The following GGCT variants were observed in gnomAD, a reference collection of about 807,000 sequenced individuals.
GGCT encodes cytochrome c-releasing factor 21.
GGCT carries 20 observed loss-of-function variants against 22.1 expected under a neutral mutation model. That is an observed-to-expected ratio of 0.91 (90% CI 0.64 to 1.32). The LOEUF (loss-of-function observed/expected upper bound fraction) is 1.32. GGCT is among the 40% of genes most tolerant of loss of function. The probability of loss-of-function intolerance (pLI) is 0.00; values close to 1 mark genes in which losing one functional copy is unlikely to be tolerated. For missense variants in GGCT, 209 were observed against 223.5 expected (o/e 0.94, Z 0.41); for synonymous variants, 72 against 78.4 (o/e 0.92, Z 0.43).
At chr7:30,497,463 T>C in intron 3 of GGCT, 1 of 382,766 alleles carries the variant, frequency 2.6e-6, no homozygotes, top group East Asian at 3.9e-5. Flanking sequence ...GAATATCAAC[T>C]TTCTCAATAT....
intron 2 of GGCT, 119 bp downstream of exon 2, chr7:30,500,417 G>A: frequency 1.4e-6 from 1 of 709,282 alleles, no homozygotes; most frequent in Non-Finnish European, 2.3e-6. Context: ...GACTCTAAAA[G>A]TATAATGAAT....
intron 1 of GGCT, among the ~76,000 whole-genome samples, chr7:30,504,044 A>G (rs949007675): frequency 6.6e-6 from 1 of 152,140 alleles, no homozygotes; most frequent in Non-Finnish European, 1.5e-5. Context: ...AAGAGCAATG[A>G]TTTACCAACA....
At chr7:30,504,278 T>C (rs1789771875) in intron 1 of GGCT, among the ~76,000 whole-genome samples, 1 of 152,226 alleles carries the variant, frequency 6.6e-6, no homozygotes, top group Non-Finnish European at 1.5e-5. Flanking sequence ...ACCAACTGTA[T>C]GCAATCTGTT....
At chr7:30,499,082 GAT>G in intron 2 of GGCT, 144 bp from the exon 3 acceptor site, 1 of 791,422 alleles carries the variant, frequency 1.3e-6, no homozygotes, top group East Asian at 2.5e-5. Context: ...ATGTATTTGG[GAT>G]AGAGAATATA....
At position 30,497,148 on chromosome 7, in the gene GGCT, T is replaced by G; in HGVS notation, c.511A>C (p.Lys171Gln). Residue 171 changes from lysine to glutamine, a missense_variant, in exon 4 of 4, where the codon AAG becomes CAG. Transcript: ENST00000275428. ...ATGTCTTCAATTTCTTCTGAGACCT[T>G]TCCTGTATAGTCATTTGGTTCTATT... ...KAIEPNDYTG[K>Q]VSEEIEDIIK... 6.2e-7 allele frequency: 1 copy of G among 1,609,604 alleles called. No individual in the cohort carries two copies. The highest frequency in any genetic ancestry group is 8.5e-7 in the Non-Finnish European group (1 of 1,176,256).
intron 3 of GGCT, among the ~76,000 whole-genome samples, chr7:30,498,182 AAAAGAAAG>A (rs57261043): frequency 5.4e-5 from 8 of 148,708 alleles, no homozygotes; most frequent in Non-Finnish European, 7.4e-5. Context: ...ATTGCCAGGC[AAAAGAAAG>A]AAAGAAAGAG....
At chr7:30,497,778 A>G (rs1302723597) in intron 3 of GGCT, 2 of 1,454,030 alleles carry the variant, frequency 1.4e-6, no homozygotes, top group Non-Finnish European at 1.8e-6. Context: ...GCCTGCCAAC[A>G]GAGAGCTAAG....
In GGCT at chr7:30,500,631, C is replaced by T; in HGVS notation, c.192G>A (p.Trp64Ter). 6.2e-7 allele frequency: 1 copy of T among 1,613,612 alleles called. No homozygotes were observed. The highest frequency in any genetic ancestry group is 8.5e-7 in the Non-Finnish European group (1 of 1,179,598). Residue 64 changes from tryptophan (W) to a stop codon, truncating the protein, a stop_gained, in exon 2 of 4, where the codon TGG (tryptophan) becomes TGA (stop). Transcript: ENST00000275428. LOFTEE classifies it high-confidence loss of function. ...GAAAAATGGTGGCTATCCCTCCATG[C>T]CAAGTTTGACTTGTTTTGCCTTGGG... Reference protein sequence around the residue: ...GNSQGKTSQTWHGGIATIFQS... With the variant: ...GNSQGKTSQT
Position 30,498,859 on chromosome 7 carries a change from G to C in GGCT, c.367C>G (p.Arg123Gly), listed in dbSNP as rs758508499. Residue 123 changes from arginine (R) to glycine (G), a missense_variant, in exon 3 of 4, where the codon CGA becomes GGA. Coordinates refer to ENST00000275428, the MANE Select transcript of GGCT (RefSeq NM_024051.4). ...TCGTAATTTGTCATCAGATAACTTC[G>C]ACAGGTTATTTCTTTTCCTTCTTGA... ...ATQEGKEITC[R>G]SYLMTNYESA... The C allele has an allele frequency of 6.2e-6, 10 of 1,612,158 alleles. No homozygotes were observed. Among genetic ancestry groups the C allele is most frequent in the Non-Finnish European group, 7.6e-6 (9 of 1,178,328 alleles).
In GGCT at chr7:30,504,657, A is replaced by C; in HGVS notation, c.53T>G (p.Leu18Arg). 6.2e-7 allele frequency: 1 copy of C among 1,614,130 alleles called. No homozygotes were observed. Among genetic ancestry groups the C allele is most frequent in the Middle Eastern group, 1.6e-4 (1 of 6,062 alleles). Reference protein sequence around the residue: ...DVTGPDEESFLYFAYGSNLLT... With the variant: ...DVTGPDEESFRYFAYGSNLLT... The stretch of plus-strand genomic sequence containing the variant: ...CAGGTTGCTGCCGTAGGCAAAGTAC[A>C]GAAAACTCTCCTCATCTGGACCCGT... Residue 18 changes from leucine (L) to arginine (R), a missense_variant, in exon 1 of 4, where the codon CTG (leucine) becomes CGG (arginine). By Grantham distance (102) the Leu-to-Arg change is moderately radical (BLOSUM62 -2). Coordinates refer to ENST00000275428, the MANE Select transcript of GGCT (RefSeq NM_024051.4).
chr7:30,502,452 C>A (rs1019496303), intron 1 of GGCT, among the ~76,000 whole-genome samples: 8 of 152,172 alleles, frequency 5.3e-5, no homozygotes, highest in Non-Finnish European at 1.2e-4. Flanking sequence ...CATCTTTAAA[C>A]CCAGACCAGA....
chr7:30,496,916 C>T lies in GGCT; in HGVS notation c.*176G>A, dbSNP rs564126523. 48 of 450,104 alleles carry T rather than the reference C, an allele frequency of 1.1e-4. No homozygotes were observed. The highest frequency in any genetic ancestry group is 8.8e-4 in the African/African-American group (43 of 49,112). The allele number at this position is 450,104 out of a possible 1,614,324, so 27.9% of individuals were successfully genotyped here. A position where few individuals can be genotyped will look rare whatever the true frequency, so the allele number is the denominator to read the frequency against. ...CATACACCCCTTTTAAATTGTCTAACTCCTATCCCAGTTTCTTTTTATAGT... is the reference window on the plus strand; with the variant it reads ...CATACACCCCTTTTAAATTGTCTAATTCCTATCCCAGTTTCTTTTTATAGT... On this transcript the variant is annotated 3_prime_UTR_variant, in exon 4 of 4. Transcript: ENST00000275428.
chr7:30,497,579 A>G (rs1422759326), intron 3 of GGCT: 2 of 414,990 alleles, frequency 4.8e-6, no homozygotes, highest in East Asian at 7.1e-5. Flanking sequence ...AAGTTTACAG[A>G]GAGCAGTTTC....
intron 2 of GGCT, chr7:30,499,156 A>C: frequency 1.9e-6 from 1 of 520,678 alleles, no homozygotes; most frequent in Non-Finnish European, 3.5e-6. Context: ...TCACATCTGT[A>C]ATCCCAGCAC....
At chr7:30,504,507 C>T (rs972849753) in intron 1 of GGCT, 62 bp downstream of exon 1, 30 of 1,592,558 alleles carry the variant, frequency 1.9e-5, no homozygotes, top group Non-Finnish European at 2.6e-5. Context: ...ACGTGTGCCC[C>T]CGAGGAAGCG....
chr7:30,504,809 C>G lies in GGCT; in HGVS notation c.-100G>C, dbSNP rs1583955205. The G allele has an allele frequency of 1.6e-6, 2 of 1,251,328 alleles. No homozygotes were observed. The highest frequency in any genetic ancestry group is 2.3e-5 in the East Asian group (1 of 42,960). 77.5% of individuals were successfully genotyped at this position (1,251,328 alleles called of 1,614,324 possible). A position where few individuals can be genotyped will look rare whatever the true frequency, so the allele number is the denominator to read the frequency against. ...CTACCCCGGCGCAGTGACCGCCGCG[C>G]GGCAGCCTCAGGGTTAGGGGACTGG... is the stretch of plus-strand genomic sequence containing the variant. On this transcript the variant is annotated 5_prime_UTR_variant, in exon 1 of 4. Coordinates refer to ENST00000275428, the MANE Select transcript of GGCT (RefSeq NM_024051.4).
chr7:30,504,613 G>A lies in GGCT; in HGVS notation c.97C>T (p.Leu33Phe). The A allele has an allele frequency of 1.2e-6, 2 of 1,614,118 alleles. No individual in the cohort carries two copies. Among genetic ancestry groups the A allele is most frequent in the Non-Finnish European group, 1.7e-6 (2 of 1,179,970 alleles). The change falls in exon 1 of 4, where the codon CTC becomes TTC. Residue 33 changes from leucine to phenylalanine, a missense_variant. Leu to Phe is a conservative substitution (Grantham distance 22). Coordinates refer to ENST00000275428, the MANE Select transcript of GGCT (RefSeq NM_024051.4). ...AAGAACGCCGCCGAGGGGTTTCGGA[G>A]GTGGATCCTCTCTGTCAGCAGGTTG... ...GSNLLTERIHLRNPSAAFFCV... is the reference protein window; with the variant it reads ...GSNLLTERIHFRNPSAAFFCV...
intron 1 of GGCT, among the ~76,000 whole-genome samples, chr7:30,502,876 G>T (rs1023349972): frequency 9.2e-5 from 13 of 140,692 alleles, no homozygotes; most frequent in Admixed American, 3.0e-4. Context: ...TTTTCCATGT[G>T]ACCAGAATGG....
intron 3 of GGCT, 33 bp downstream of exon 3, chr7:30,498,770 A>G (rs753308737): frequency 3.2e-6 from 5 of 1,575,834 alleles, no homozygotes; most frequent in African/African-American, 1.4e-5. Context: ...TGAAATTTAA[A>G]AAGTAATCAC....
Sources: gnomAD v4.1 joint callset for allele counts (sites outside exome capture counted in the v4.1 genomes callset) on GRCh38, gnomAD v4.1.1 for gene constraint, MANE v1.5 for transcripts, NCBI Gene and HGNC (gene_info 2026-07-23, HGNC 2026-07-21) for gene names.